LARP4B: variants seen among roughly 807,000 people sequenced by gnomAD.
LARP4B encodes La ribonucleoprotein 4B.
LARP4B carries 12 observed loss-of-function variants against 89.8 expected under a neutral mutation model. That is an observed-to-expected ratio of 0.13 (90% confidence interval 0.09 to 0.22). The LOEUF (loss-of-function observed/expected upper bound fraction) is 0.22. Among genes scored for constraint, LARP4B ranks in the 10% least tolerant of loss-of-function variants. The pLI, the probability that LARP4B is intolerant of heterozygous loss-of-function variation, is 1.00. For synonymous variants in LARP4B, 367 were observed against 363.3 expected (o/e 1.01, Z -0.12); for missense variants, 757 against 947.7 (o/e 0.80, Z 2.64).
chr10:949,202 T>C, the LARP4B span, among the ~76,000 whole-genome samples: 3 of 150,444 alleles, frequency 2.0e-5, no homozygotes, highest in Admixed American at 1.3e-4. Context: ...GTGAGTGATC[T>C]CCAACCCGTT....
At chr10:934,503 GA>G (rs907781145), upstream of LARP4B, among the ~76,000 whole-genome samples, 1 of 151,884 alleles carries the variant, frequency 6.6e-6, no homozygotes, top group African/African-American at 2.4e-5. Flanking sequence ...AAAAGAAAAA[GA>G]AAAAAACTAA....
intron 5 of LARP4B, among the ~76,000 whole-genome samples, chr10:850,417 A>G (rs1458197329): frequency 6.6e-6 from 1 of 152,238 alleles, no homozygotes; most frequent in African/African-American, 2.4e-5. Context: ...AGCAAAGACT[A>G]TTACTAAAGA....
At chr10:823,324 G>A (rs1832452604) in intron 13 of LARP4B, among the ~76,000 whole-genome samples, 1 of 152,146 alleles carries the variant, frequency 6.6e-6, no homozygotes, top group Non-Finnish European at 1.5e-5. Flanking sequence ...CCTTGGTGGG[G>A]AGAGAGAGGG....
chr10:844,638 C>T (rs1833686019), intron 6 of LARP4B, among the ~76,000 whole-genome samples: 1 of 152,056 alleles, frequency 6.6e-6, no homozygotes, highest in Admixed American at 6.5e-5. Context: ...AATAAAACAA[C>T]TTGCTATCTC....
At chr10:853,712 T>C (rs898947203) in intron 5 of LARP4B, among the ~76,000 whole-genome samples, 1 of 152,174 alleles carries the variant, frequency 6.6e-6, no homozygotes, top group Non-Finnish European at 1.5e-5. Flanking sequence ...GAATCTATTG[T>C]TGGAAAATGT....
chr10:841,845 C>A (rs955447987), intron 7 of LARP4B, among the ~76,000 whole-genome samples: 8 of 152,100 alleles, frequency 5.3e-5, no homozygotes, highest in African/African-American at 1.2e-4. Flanking sequence ...AATTTAATAA[C>A]CCATGCTATT....
At chr10:945,503 G>A in the LARP4B span, among the ~76,000 whole-genome samples, 6 of 151,186 alleles carry the variant, frequency 4.0e-5, no homozygotes, top group Non-Finnish European at 5.9e-5. Flanking sequence ...TGGCTAATAT[G>A]GTGAAACCCC....
At chr10:916,292 A>G (rs567953386) in intron 1 of LARP4B, among the ~76,000 whole-genome samples, 1 of 152,340 alleles carries the variant, frequency 6.6e-6, no homozygotes, top group Admixed American at 6.5e-5. Context: ...GCATCCACAG[A>G]CAATTATTGT....
intron 1 of LARP4B, among the ~76,000 whole-genome samples, chr10:926,091 T>C (rs1345338070): frequency 6.6e-6 from 1 of 152,250 alleles, no homozygotes; most frequent in African/African-American, 2.4e-5. Context: ...GGAGATGTCT[T>C]TGAGCATTCT....
At chr10:843,166 G>A in intron 6 of LARP4B, 98 bp from the exon 7 acceptor site, 1 of 1,055,690 alleles carries the variant, frequency 9.5e-7, no homozygotes, top group Non-Finnish European at 1.4e-6. Flanking sequence ...GTGTGGCATG[G>A]TATTGCTTTG....
At chr10:948,995 G>C in the LARP4B span, among the ~76,000 whole-genome samples, 1 of 152,204 alleles carries the variant, frequency 6.6e-6, no homozygotes, top group Non-Finnish European at 1.5e-5. Context: ...GTCAGTCTTC[G>C]TTTTCTCCGG....
At chr10:903,207 C>A (rs756273585) in intron 1 of LARP4B, 1 of 152,404 alleles carries the variant, frequency 6.6e-6, no homozygotes, top group Non-Finnish European at 1.5e-5. Context: ...TTCAGACCCA[C>A]CTGCTCACTG....
At position 822,297 on chromosome 10, in the gene LARP4B, G is replaced by C. The variant is rs969125946; in HGVS notation, c.1485-1452C>G. 2.0e-5 allele frequency among the ~76,000 whole-genome samples: 3 copies of C among 152,232 alleles called. No homozygotes were observed. The highest frequency in any genetic ancestry group is 4.4e-5 in the Non-Finnish European group (3 of 68,026). Reference sequence around the variant, plus strand: ...CCTGCTTGCCCAGAGGCATTGCCCTGAGCGCTGGACAGAGGGACAGCAGCC... The same window carrying C: ...CCTGCTTGCCCAGAGGCATTGCCCTCAGCGCTGGACAGAGGGACAGCAGCC... On this transcript the variant is annotated intron_variant, in intron 13 of 17. Coordinates refer to ENST00000316157, the MANE Select transcript of LARP4B (RefSeq NM_015155.3). This position sits in a 1 kb window ranked among gnomAD's most constrained non-coding sequence, Gnocchi z 4.6.
At chr10:912,333 AT>A (rs1208457456) in intron 1 of LARP4B, among the ~76,000 whole-genome samples, 8 of 152,208 alleles carry the variant, frequency 5.3e-5, no homozygotes, top group Non-Finnish European at 7.4e-5. Flanking sequence ...AAAAAAAAAA[AT>A]CTTCATACTG....
At position 909,100 on chromosome 10, in the gene LARP4B, C is replaced by T. The variant is rs189608175; in HGVS notation, c.-40+22328G>A. On this transcript the variant is annotated intron_variant, in intron 1 of 17. Coordinates refer to ENST00000316157, the MANE Select transcript of LARP4B (RefSeq NM_015155.3). Reference sequence around the variant, plus strand: ...ACAAGGTCAGGAGATCAAGATCATCCTGGCTAACACGGTGAAACCCCGTCT... The same window carrying T: ...ACAAGGTCAGGAGATCAAGATCATCTTGGCTAACACGGTGAAACCCCGTCT... 4.2e-3 allele frequency among the ~76,000 whole-genome samples: 642 copies of T among 152,170 alleles called. 2 individuals carry two copies. Among genetic ancestry groups the T allele is most frequent in the African/African-American group, 8.1e-3 (335 of 41,502 alleles).
chr10:941,532 G>A, the LARP4B span, among the ~76,000 whole-genome samples: 1 of 152,108 alleles, frequency 6.6e-6, no homozygotes, highest in Non-Finnish European at 1.5e-5. Context: ...ATGTTGGCCA[G>A]TCTAGTCTTG....
At chr10:976,986 ACATAGGCCTGT>A in the LARP4B span, among the ~76,000 whole-genome samples, 1 of 152,290 alleles carries the variant, frequency 6.6e-6, no homozygotes, top group African/African-American at 2.4e-5. Flanking sequence ...GCCTAGTAGA[ACATAGGCCTGT>A]CATGTAATGT....
chr10:977,813 G>C, the LARP4B span, among the ~76,000 whole-genome samples: 1 of 152,064 alleles, frequency 6.6e-6, no homozygotes, highest in Non-Finnish European at 1.5e-5. Context: ...CACTGATTTG[G>C]GTGTCCACAG....
chr10:910,805 C>T (rs1321486099), intron 1 of LARP4B, among the ~76,000 whole-genome samples: 1 of 152,188 alleles, frequency 6.6e-6, no homozygotes, highest in African/African-American at 2.4e-5. Context: ...AAAATCTGGG[C>T]TTAGCCTTTC....
Sources: allele counts gnomAD v4.1 joint callset (sites outside exome capture counted in the v4.1 genomes callset), GRCh38; gene constraint gnomAD v4.1.1; non-coding constraint Gnocchi (gnomAD v3.1); transcripts MANE v1.5; gene names NCBI Gene and HGNC (gene_info 2026-07-23, HGNC 2026-07-21).